ARID1B: variants seen among roughly 807,000 people sequenced by gnomAD.
ARID1B encodes the protein AT-rich interactive domain-containing protein 1B.
A neutral mutation model predicts 212.3 loss-of-function variants in ARID1B; 30 were observed. The ratio of observed to expected loss-of-function variants is 0.14; its 90% CI spans 0.11 to 0.19. ARID1B has a LOEUF of 0.19. Ranked by LOEUF, ARID1B falls within the 10% of genes least tolerant of loss-of-function variation. The pLI is 1.00. For missense variants in ARID1B, 2,891 were observed against 3,204.0 expected (o/e 0.90, Z 2.36); for synonymous variants, 1,402 against 1,301.7 (o/e 1.08, Z -1.66).
chr6:157,078,984 A>G (rs1272167836), intron 4 of ARID1B, among the ~76,000 whole-genome samples: 5 of 152,186 alleles, frequency 3.3e-5, no homozygotes, highest in Non-Finnish European at 5.9e-5. Context: ...GGCTTTTGAT[A>G]CGGATTTTTG....
In ARID1B at chr6:157,018,212, CTTTTT is replaced by C. The variant is rs1208883079; in HGVS notation, c.2248-66432_2248-66428del. On this transcript the variant is annotated intron_variant, in intron 4 of 19. Transcript: ENST00000636930. ...GAATGTCTAAACAAAAAGTAGTATGCTTTTTTTTTTTTTTTTTTTTTTGAGATACA... is the reference window on the plus strand; with the variant it reads ...GAATGTCTAAACAAAAAGTAGTATGCTTTTTTTTTTTTTTTTTGAGATACA... 3.3e-4 allele frequency among the ~76,000 whole-genome samples: 24 copies of C among 72,460 alleles called. No individual in the cohort carries two copies. In the South Asian group the frequency reaches 8.6e-3, roughly 26 times the overall value. 47.5% of individuals were successfully genotyped at this position (72,460 alleles called of 152,430 possible). A position where few individuals can be genotyped will look rare whatever the true frequency, so the allele number is the denominator to read the frequency against.
chr6:156,971,101 G>A (rs780606135), intron 4 of ARID1B, among the ~76,000 whole-genome samples: 4 of 152,166 alleles, frequency 2.6e-5, no homozygotes, highest in Non-Finnish European at 5.9e-5. Context: ...ATAATTAAGA[G>A]TAATTACCAG....
In ARID1B at chr6:157,181,041, A is replaced by G. The variant is rs1554231202; in HGVS notation, c.3577A>G (p.Lys1193Glu). The change falls in exon 12 of 20, where the codon AAG (lysine) becomes GAG (glutamate). Residue 1193 changes from lysine to glutamate, a missense_variant. This residue lies in a region of ARID1B where 666 missense variants were observed against 873.5 expected (regional missense o/e 0.76). Coordinates refer to ENST00000636930, the MANE Select transcript of ARID1B (RefSeq NM_001374828.1). ...VYELGNEPER[K>E]LWVDRYLTFM... ...CGAGCTGGGGAATGAGCCAGAGAGA[A>G]AGCTCTGGGTCGACCGATACCTCAC... 1.9e-6 allele frequency: 3 copies of G among 1,614,170 alleles called. No homozygotes were observed. The highest frequency in any genetic ancestry group is 2.5e-6 in the Non-Finnish European group (3 of 1,180,034).
At chr6:157,092,603 T>C (rs1165636597) in intron 5 of ARID1B, among the ~76,000 whole-genome samples, 1 of 152,180 alleles carries the variant, frequency 6.6e-6, no homozygotes, top group Non-Finnish European at 1.5e-5. Context: ...CCAGCAAACT[T>C]CAAATTAAGC....
chr6:156,963,934 T>C (rs939797195), intron 4 of ARID1B, among the ~76,000 whole-genome samples: 1 of 152,262 alleles, frequency 6.6e-6, no homozygotes, highest in Non-Finnish European at 1.5e-5. Flanking sequence ...TGTTCCCTTT[T>C]CTTTAGTATG....
intron 2 of ARID1B, among the ~76,000 whole-genome samples, chr6:156,900,772 T>G (rs377567475): frequency 2.6e-4 from 39 of 152,354 alleles, no homozygotes; most frequent in African/African-American, 8.4e-4. Flanking sequence ...TGTCTATACC[T>G]CTGGTATTTG....
chr6:157,206,949 C>T lies in ARID1B; in HGVS notation c.6177C>T (p.His2059=), dbSNP rs2128395284. 6.2e-7 allele frequency: 1 copy of T among 1,614,248 alleles called. No homozygotes were observed. The highest frequency in any genetic ancestry group is 2.2e-5 in the East Asian group (1 of 44,886). The change falls in exon 20 of 20, where the codon CAC becomes CAT. Residue 2059 remains histidine, a synonymous_variant. Coordinates refer to ENST00000636930, the MANE Select transcript of ARID1B (RefSeq NM_001374828.1). The surrounding 1 kb of genome is among the most constrained non-coding windows in gnomAD (Gnocchi z 6.8). ...AGACTCCTCTGTGTACCATCGCGCA[C>T]TGGCAGGACTCGCTGGCTAAGCGAT... ...RDETPLCTIA[H]WQDSLAKRCI... is the part of the protein sequence containing the mutation.
At position 157,132,013 on chromosome 6, in the gene ARID1B, G is replaced by T. The variant is rs533450607; in HGVS notation, c.2582-1015G>T. 7.2e-5 allele frequency among the ~76,000 whole-genome samples: 11 copies of T among 152,278 alleles called. No individual in the cohort carries two copies. In the South Asian group the frequency reaches 2.3e-3, roughly 32 times the overall value. On this transcript the variant is annotated intron_variant, in intron 6 of 19. Coordinates refer to ENST00000636930, the MANE Select transcript of ARID1B (RefSeq NM_001374828.1). ...CAGCCTTGATGAGTTTTATGCAGGG[G>T]AGAGATATGCTCTCATTTCCTTTTA... is the stretch of plus-strand genomic sequence containing the variant.
chr6:157,106,416 C>T (rs973293525), intron 5 of ARID1B, among the ~76,000 whole-genome samples: 3 of 152,274 alleles, frequency 2.0e-5, no homozygotes, highest in South Asian at 4.1e-4. Context: ...CAGTTTCATT[C>T]GGATTGTGGC....
At chr6:157,019,862 C>T (rs1243791359) in intron 4 of ARID1B, among the ~76,000 whole-genome samples, 1 of 152,162 alleles carries the variant, frequency 6.6e-6, no homozygotes, top group African/African-American at 2.4e-5. Flanking sequence ...CACAACCATG[C>T]CATTCATTCT....
intron 1 of ARID1B, among the ~76,000 whole-genome samples, chr6:156,813,751 G>A (rs1000677646): frequency 6.6e-6 from 1 of 152,182 alleles, no homozygotes; most frequent in African/African-American, 2.4e-5. Context: ...ACATATATTA[G>A]GCTTTCATAA....
At chr6:156,972,056 A>G (rs968279399) in intron 4 of ARID1B, among the ~76,000 whole-genome samples, 2 of 152,186 alleles carry the variant, frequency 1.3e-5, no homozygotes, top group Admixed American at 6.5e-5. Context: ...TGGGAAGGAC[A>G]TAGGTTTCTT....
At chr6:156,897,662 T>A (rs879759959) in intron 2 of ARID1B, among the ~76,000 whole-genome samples, 2 of 151,806 alleles carry the variant, frequency 1.3e-5, no homozygotes, top group African/African-American at 2.4e-5. Context: ...TTGCAGGTTT[T>A]AAAAAATATA....
chr6:156,815,736 T>A (rs1375816190), intron 1 of ARID1B, among the ~76,000 whole-genome samples: 1 of 152,254 alleles, frequency 6.6e-6, no homozygotes, highest in African/African-American at 2.4e-5. Context: ...ATGACCAGCA[T>A]ACCTTGTTGT....
intron 4 of ARID1B, chr6:156,985,482 A>G (rs1291009983): frequency 6.6e-6 from 1 of 152,236 alleles, no homozygotes; most frequent in Non-Finnish European, 1.5e-5. Context: ...TATTTAATTG[A>G]CACACGTTTA....
chr6:156,964,129 T>C (rs187558570), intron 4 of ARID1B, among the ~76,000 whole-genome samples: 51 of 152,372 alleles, frequency 3.3e-4, no homozygotes, highest in Admixed American at 2.0e-3. Flanking sequence ...AAGCCTGTCA[T>C]CATGGACTCA....
At chr6:157,097,721 G>C (rs1323338893) in intron 5 of ARID1B, among the ~76,000 whole-genome samples, 1 of 152,222 alleles carries the variant, frequency 6.6e-6, no homozygotes, top group Non-Finnish European at 1.5e-5. Flanking sequence ...CAGCGATCAA[G>C]TGGAAGAAAG....
chr6:156,871,448 T>C (rs1456686242), intron 2 of ARID1B, among the ~76,000 whole-genome samples: 2 of 152,188 alleles, frequency 1.3e-5, no homozygotes, highest in Admixed American at 6.5e-5. Flanking sequence ...TTTGCACATT[T>C]GATAGGGAGT....
At chr6:156,970,241 C>T (rs531286530) in intron 4 of ARID1B, among the ~76,000 whole-genome samples, 10 of 152,044 alleles carry the variant, frequency 6.6e-5, no homozygotes, top group South Asian at 6.2e-4. Context: ...CCACCATACC[C>T]GGCTAATTTT....
Sources: allele counts gnomAD v4.1 joint callset (sites outside exome capture counted in the v4.1 genomes callset), GRCh38; gene constraint gnomAD v4.1.1; regional missense constraint gnomAD v4.1.1; non-coding constraint Gnocchi (gnomAD v3.1); transcripts MANE v1.5; gene names NCBI Gene and HGNC (gene_info 2026-07-23, HGNC 2026-07-21).